ZNF827: variants seen among roughly 807,000 people sequenced by gnomAD.
ZNF827 encodes zinc finger protein 827.
A neutral mutation model predicts 102.4 loss-of-function variants in ZNF827; 13 were observed. The ratio of observed to expected loss-of-function variants is 0.13; its 90% CI spans 0.08 to 0.20. The LOEUF (loss-of-function observed/expected upper bound fraction) is 0.20. Among genes scored for constraint, ZNF827 ranks in the 10% least tolerant of loss-of-function variants. The probability of loss-of-function intolerance (pLI) is 1.00; values close to 1 mark genes in which losing one functional copy is unlikely to be tolerated. For missense variants in ZNF827, 1,103 were observed against 1,344.4 expected, an observed-to-expected ratio of 0.82 and a Z score of 2.81; for synonymous variants, 523 against 536.2, an observed-to-expected ratio of 0.98 and a Z score of 0.34.
rs183753225 is a variant in ZNF827, at chr4:145,902,552, C to T, written c.707G>A (p.Arg236Gln). 7.0e-5 allele frequency: 113 copies of T among 1,614,128 alleles called. 1 individual carries two copies. In the Admixed American group the frequency reaches 1.8e-3, roughly 25 times the overall value. Residue 236 changes from arginine (R) to glutamine (Q), a missense_variant, in exon 2 of 15, where the codon CGA (arginine) becomes CAA (glutamine). Transcript: ENST00000508784. The surrounding 1 kb of genome is among the most constrained non-coding windows in gnomAD (Gnocchi z 4.3). ...AAAAGGGGAGGAAAAGGACTCAAAT[C>T]GCATGGTCTCCTCAGTCCTGGTGAG... The part of the protein sequence containing the change: ...KSLTRTEETM[R>Q]FESFSSPFSS...
chr4:145,762,738 A>G lies in ZNF827; in HGVS notation c.*17+352T>C, dbSNP rs1428541113. 1.3e-5 allele frequency among the ~76,000 whole-genome samples: 2 copies of G among 152,186 alleles called. No individual in the cohort carries two copies. The highest frequency in any genetic ancestry group is 2.9e-5 in the Non-Finnish European group (2 of 68,018). ...CACGAGGAGTGGTGAGGCCATGTTA[A>G]CAAACTCTGCTGAGCCTCTCTTTTA... On this transcript the variant is annotated intron_variant, in intron 14 of 14. Transcript: ENST00000508784. The surrounding 1 kb of genome is among the most constrained non-coding windows in gnomAD (Gnocchi z 4.9).
chr4:145,797,035 G>A (rs1033449891), intron 8 of ZNF827, among the ~76,000 whole-genome samples: 1 of 152,272 alleles, frequency 6.6e-6, no homozygotes, highest in South Asian at 2.1e-4. Context: ...TGCGTGTACT[G>A]GATGCATGTA....
chr4:145,873,154 C>G (rs1398372420), intron 4 of ZNF827, among the ~76,000 whole-genome samples: 1 of 151,920 alleles, frequency 6.6e-6, no homozygotes, highest in Non-Finnish European at 1.5e-5. Flanking sequence ...CCAGGATGGT[C>G]TCGGCTTCCT....
At chr4:145,771,437 G>A (rs1416134841) in intron 11 of ZNF827, among the ~76,000 whole-genome samples, 1 of 152,216 alleles carries the variant, frequency 6.6e-6, no homozygotes, top group Non-Finnish European at 1.5e-5. Context: ...AATGTGAGGT[G>A]AGGTATTGAT....
At position 145,775,959 on chromosome 4, in the gene ZNF827, C is replaced by T. The variant is rs766235015; in HGVS notation, c.2523G>A (p.Glu841=). 5.6e-6 allele frequency: 9 copies of T among 1,613,996 alleles called. No individual in the cohort carries two copies. In the Admixed American group the frequency reaches 1.3e-4, roughly 24 times the overall value. The change falls in exon 10 of 15, where the codon GAG becomes GAA. Residue 841 remains glutamate, a splice_region_variant and synonymous_variant. Transcript: ENST00000508784. ...ACAAGTGGCATTTGTATTTTCTTTCCTCTGGGGGAGAAGGAACAGGAAAAA... is the reference window on the plus strand; with the variant it reads ...ACAAGTGGCATTTGTATTTTCTTTCTTCTGGGGGAGAAGGAACAGGAAAAA... The part of the protein sequence containing the change: ...TLSRHLSLHT[E]ERKYKCHLCP...
chr4:145,938,451 C>T lies in ZNF827; in HGVS notation c.-44G>A. On this transcript the variant is annotated 5_prime_UTR_variant, in exon 1 of 15. Transcript: ENST00000508784. ...TTCTCCTCCTTGGTTAATGTGAGAT[C>T]AAATAAACCCCCGTGGGGGCAGAGA... 6.3e-7 allele frequency: 1 copy of T among 1,578,154 alleles called. No homozygotes were observed. The highest frequency in any genetic ancestry group is 1.4e-5 in the African/African-American group (1 of 70,654).
intron 5 of ZNF827, among the ~76,000 whole-genome samples, chr4:145,856,055 C>A (rs959232326): frequency 6.6e-6 from 1 of 151,450 alleles, no homozygotes; most frequent in East Asian, 1.9e-4. Context: ...AGTGCAATGG[C>A]GCAAGCTTGG....
intron 5 of ZNF827, among the ~76,000 whole-genome samples, chr4:145,863,456 A>G (rs1049848828): frequency 1.6e-4 from 24 of 152,270 alleles, no homozygotes; most frequent in African/African-American, 5.1e-4. Flanking sequence ...ATGAATGTTC[A>G]TAGTAGCAGA....
At chr4:145,865,095 A>T (rs766455455) in intron 5 of ZNF827, among the ~76,000 whole-genome samples, 2 of 152,228 alleles carry the variant, frequency 1.3e-5, no homozygotes, top group African/African-American at 4.8e-5. Context: ...GAGGGGAGGT[A>T]GAGAAAGGTT....
chr4:145,836,737 G>A lies in ZNF827; in HGVS notation c.2279+9219C>T, dbSNP rs1418784146. Among the ~76,000 whole-genome samples, 90 of 151,048 alleles carry A rather than the reference G, an allele frequency of 6.0e-4. 1 individual carries two copies. Among genetic ancestry groups the A allele is most frequent in the Middle Eastern group, 6.9e-3 (2 of 290 alleles). ...TGATCACGCTTGATTTATTGATGGC[G>A]GTTCCACCAGGCCTAATCGCCACAC... On this transcript the variant is annotated intron_variant, in intron 7 of 14. Transcript: ENST00000508784.
At chr4:145,830,920 T>C (rs1339718798) in intron 7 of ZNF827, 1 of 152,258 alleles carries the variant, frequency 6.6e-6, no homozygotes, top group Non-Finnish European at 1.5e-5. Flanking sequence ...TGAGCAGTTG[T>C]AGAGCTGTTG....
At chr4:145,766,808 C>T (rs1213892015) in intron 11 of ZNF827, among the ~76,000 whole-genome samples, 1 of 152,116 alleles carries the variant, frequency 6.6e-6, no homozygotes, top group Non-Finnish European at 1.5e-5. Context: ...ATTGGAAAAA[C>T]ACAATTTACA....
intron 1 of ZNF827, among the ~76,000 whole-genome samples, chr4:145,910,978 A>G (rs1334836763): frequency 6.6e-6 from 1 of 152,244 alleles, no homozygotes; most frequent in African/African-American, 2.4e-5. Context: ...TACTGAACAC[A>G]GAGCAGGCAG....
chr4:145,916,539 G>T (rs1752680032), intron 1 of ZNF827, among the ~76,000 whole-genome samples: 1 of 152,140 alleles, frequency 6.6e-6, no homozygotes, highest in African/African-American at 2.4e-5. Flanking sequence ...GATTTCCAAA[G>T]TACCTTTGGG....
intron 7 of ZNF827, among the ~76,000 whole-genome samples, chr4:145,824,837 T>C (rs1743514317): frequency 6.6e-6 from 1 of 152,262 alleles, no homozygotes. Flanking sequence ...GTTGCTATTA[T>C]TCAATTTTAA....
intron 5 of ZNF827, among the ~76,000 whole-genome samples, chr4:145,854,813 G>C (rs1183177676): frequency 6.6e-6 from 1 of 152,098 alleles, no homozygotes; most frequent in Non-Finnish European, 1.5e-5. Flanking sequence ...TCTTCCTCGA[G>C]TGGCACTCTC....
At chr4:145,807,612 C>T (rs1362096457) in intron 8 of ZNF827, among the ~76,000 whole-genome samples, 1 of 151,786 alleles carries the variant, frequency 6.6e-6, no homozygotes, top group Non-Finnish European at 1.5e-5. Context: ...GCTGGGATTA[C>T]AGGCGCCCAC....
intron 5 of ZNF827, among the ~76,000 whole-genome samples, chr4:145,860,366 C>T (rs575403309): frequency 6.6e-6 from 1 of 152,218 alleles, no homozygotes; most frequent in African/African-American, 2.4e-5. Flanking sequence ...CTCAAAATAG[C>T]AGGAAGAATT....
intron 9 of ZNF827, among the ~76,000 whole-genome samples, chr4:145,778,009 T>G (rs1402095094): frequency 6.6e-6 from 1 of 152,156 alleles, no homozygotes; most frequent in Non-Finnish European, 1.5e-5. Context: ...AAACTCCACT[T>G]TTTTGAACAT....
Sources: gnomAD v4.1 joint callset for allele counts (sites outside exome capture counted in the v4.1 genomes callset) on GRCh38, gnomAD v4.1.1 for gene constraint, Gnocchi (gnomAD v3.1) non-coding constraint, MANE v1.5 for transcripts, NCBI Gene and HGNC (gene_info 2026-07-23, HGNC 2026-07-21) for gene names.